Variants in LHFPL3 observed in about 807,000 individuals in gnomAD.
LHFPL3 encodes LHFPL tetraspan subfamily member 3 protein.
LHFPL3 carries 5 observed loss-of-function variants against 19.3 expected under a neutral mutation model. The ratio of observed to expected loss-of-function variants is 0.26; its 90% CI spans 0.14 to 0.54. The LOEUF (loss-of-function observed/expected upper bound fraction) is 0.54. Among genes scored for constraint, LHFPL3 ranks in the 20% least tolerant of loss-of-function variants. The pLI, the probability that LHFPL3 is intolerant of heterozygous loss-of-function variation, is 0.94. For missense variants in LHFPL3, 249 were observed against 307.4 expected (o/e 0.81, Z 1.42); for synonymous variants, 133 against 126.2 (o/e 1.05, Z -0.36).
intron 1 of LHFPL3, among the ~76,000 whole-genome samples, chr7:104,510,877 C>T (rs563729963): frequency 1.3e-5 from 2 of 152,154 alleles, no homozygotes; most frequent in Non-Finnish European, 2.9e-5. Context: ...TAGAGCAGAA[C>T]AATAAACACC....
At chr7:104,663,348 A>G (rs1792267129) in intron 1 of LHFPL3, among the ~76,000 whole-genome samples, 1 of 152,216 alleles carries the variant, frequency 6.6e-6, no homozygotes, top group Non-Finnish European at 1.5e-5. Context: ...CTTTTTCCTC[A>G]ACATCTTTGT....
chr7:104,398,598 C>T (rs1346276122), intron 1 of LHFPL3, among the ~76,000 whole-genome samples: 1 of 152,156 alleles, frequency 6.6e-6, no homozygotes, highest in Non-Finnish European at 1.5e-5. Context: ...TCACATCCAT[C>T]CTACATTTCT....
At chr7:104,385,153 A>G (rs1291535731) in intron 1 of LHFPL3, among the ~76,000 whole-genome samples, 1 of 152,190 alleles carries the variant, frequency 6.6e-6, no homozygotes, top group African/African-American at 2.4e-5. Flanking sequence ...AGAGGAACAA[A>G]GCAGAAGTTA....
At position 104,907,223 on chromosome 7, in the gene LHFPL3, T is replaced by C. The variant is rs940565730; in HGVS notation, c.*1008T>C. ...CCATGTCTTCTATTTCCCTTACTGA[T>C]GGGCACTCATTTTTATTTTTTTAAA... On this transcript the variant is annotated 3_prime_UTR_variant, in exon 3 of 3. Transcript: ENST00000424859. The C allele has an allele frequency of 6.6e-6, 1 of 152,600 alleles. No individual in the cohort carries two copies. The highest frequency in any genetic ancestry group is 2.1e-4 in the South Asian group (1 of 4,830). The allele number at this position is 152,600 out of a possible 1,614,324, so 9.5% of individuals were successfully genotyped here. A position where few individuals can be genotyped will look rare whatever the true frequency, so the allele number is the denominator to read the frequency against.
At chr7:104,796,615 C>T (rs1428967393) in intron 2 of LHFPL3, 1 of 152,380 alleles carries the variant, frequency 6.6e-6, no homozygotes, top group African/African-American at 2.4e-5. Context: ...ACCAATCAGG[C>T]AGGAAGGACA....
chr7:104,790,005 C>T lies in LHFPL3; in HGVS notation c.682+53094C>T, dbSNP rs138311356. On this transcript the variant is annotated intron_variant, in intron 2 of 2. Coordinates refer to ENST00000424859, the MANE Select transcript of LHFPL3 (RefSeq NM_199000.3). ...CCAAGCAAATCTGTCTCTGGGTTTC[C>T]GAATTTCCTGATTTATCCTGCTAGG... is the stretch of plus-strand genomic sequence containing the variant. 6.1e-3 allele frequency among the ~76,000 whole-genome samples: 935 copies of T among 152,220 alleles called. 6 individuals carry two copies. The highest frequency in any genetic ancestry group is 0.014 in the Middle Eastern group (4 of 294).
chr7:104,864,647 G>A (rs1457764190), intron 2 of LHFPL3, among the ~76,000 whole-genome samples: 2 of 152,226 alleles, frequency 1.3e-5, no homozygotes, highest in Non-Finnish European at 2.9e-5. Context: ...GCCTGCCTCT[G>A]TAGACTCCAT....
intron 2 of LHFPL3, among the ~76,000 whole-genome samples, chr7:104,737,419 G>A (rs1793850209): frequency 6.6e-6 from 1 of 152,192 alleles, no homozygotes; most frequent in South Asian, 2.1e-4. Flanking sequence ...CAAATAGTTA[G>A]TTAGAGATTT....
At chr7:104,693,248 C>T (rs752465891) in intron 1 of LHFPL3, among the ~76,000 whole-genome samples, 1 of 152,166 alleles carries the variant, frequency 6.6e-6, no homozygotes, top group Non-Finnish European at 1.5e-5. Flanking sequence ...ATTTCACAGG[C>T]AGAAGGGACT....
chr7:104,523,010 A>G (rs933902523), intron 1 of LHFPL3, among the ~76,000 whole-genome samples: 46 of 148,170 alleles, frequency 3.1e-4, no homozygotes, highest in African/African-American at 1.1e-3. Flanking sequence ...ATATATGTAT[A>G]TATGCACATA....
At chr7:104,632,371 CGTT>C (rs888798188) in intron 1 of LHFPL3, among the ~76,000 whole-genome samples, 2 of 152,016 alleles carry the variant, frequency 1.3e-5, no homozygotes, top group African/African-American at 4.8e-5. Context: ...AGGATGTAGA[CGTT>C]GTTATTTTAA....
intron 2 of LHFPL3, among the ~76,000 whole-genome samples, chr7:104,870,332 C>A (rs535841739): frequency 6.6e-6 from 1 of 152,274 alleles, no homozygotes; most frequent in South Asian, 2.1e-4. Context: ...TCTGGTATAG[C>A]ACAGATGAGT....
intron 1 of LHFPL3, among the ~76,000 whole-genome samples, chr7:104,701,270 C>T (rs1053524899): frequency 2.0e-5 from 3 of 151,994 alleles, no homozygotes; most frequent in Admixed American, 2.0e-4. Flanking sequence ...AAGCTGTTAA[C>T]ATTATAGTTG....
intron 2 of LHFPL3, among the ~76,000 whole-genome samples, chr7:104,812,803 C>CTAAAAAA (rs1562800943): frequency 3.2e-5 from 1 of 31,314 alleles, no homozygotes; most frequent in Non-Finnish European, 5.5e-5. Context: ...GACTCCATCT[C>CTAAAAAA]AAAAAAAAAA....
chr7:104,542,996 A>C (rs547158225), intron 1 of LHFPL3, among the ~76,000 whole-genome samples: 2 of 152,178 alleles, frequency 1.3e-5, no homozygotes, highest in East Asian at 3.9e-4. Context: ...GTTCATGTCC[A>C]TTGCAGGGAC....
chr7:104,774,695 T>C (rs1414412141), intron 2 of LHFPL3, among the ~76,000 whole-genome samples: 1 of 152,258 alleles, frequency 6.6e-6, no homozygotes, highest in Non-Finnish European at 1.5e-5. Context: ...ATGACTTATA[T>C]GCTGGGCATC....
intron 1 of LHFPL3, among the ~76,000 whole-genome samples, chr7:104,549,018 T>C (rs950644530): frequency 2.0e-5 from 3 of 152,176 alleles, no homozygotes; most frequent in Non-Finnish European, 4.4e-5. Context: ...ACTTCAACTC[T>C]GAAGAATCCA....
chr7:104,860,849 C>T (rs1350274097), intron 2 of LHFPL3, among the ~76,000 whole-genome samples: 2 of 152,108 alleles, frequency 1.3e-5, no homozygotes, highest in African/African-American at 4.8e-5. Context: ...CCAGAGTAGA[C>T]AGGGACACAT....
chr7:104,520,691 A>G (rs7806580), intron 1 of LHFPL3, among the ~76,000 whole-genome samples: 3 of 132,232 alleles, frequency 2.3e-5, no homozygotes, highest in African/African-American at 5.6e-5. Context: ...TGTATGTGTC[A>G]AGGAATTTAT....
Sources: allele counts gnomAD v4.1 joint callset (sites outside exome capture counted in the v4.1 genomes callset), GRCh38; gene constraint gnomAD v4.1.1; transcripts MANE v1.5; gene names NCBI Gene and HGNC (gene_info 2026-07-23, HGNC 2026-07-21).